PPP1R2: variants seen among roughly 807,000 people sequenced by gnomAD.
PPP1R2 encodes the protein protein phosphatase inhibitor 2.
In PPP1R2, 16 loss-of-function variants were observed where a neutral mutation model predicts 29.9. The observed-to-expected ratio is 0.53, with a 90% CI of 0.36 to 0.81. The LOEUF is 0.81. Ranked by LOEUF, PPP1R2 falls within the 30% of genes least tolerant of loss-of-function variation. PPP1R2 has a pLI of 0.00. For missense variants in PPP1R2, 197 were observed against 252.7 expected (o/e 0.78, Z 1.49); for synonymous variants, 76 against 91.5 (o/e 0.83, Z 0.96).
At chr3:195,540,980 T>C (rs1006937713) in intron 1 of PPP1R2, among the ~76,000 whole-genome samples, 5 of 152,242 alleles carry the variant, frequency 3.3e-5, no homozygotes, top group Non-Finnish European at 7.3e-5. Flanking sequence ...ACCCATCCTT[T>C]TTACCACTTG....
At position 195,516,338 on chromosome 3, in the gene PPP1R2, T is replaced by G. The variant is rs994170267; in HGVS notation, c.*558A>C. The G allele has an allele frequency of 6.6e-6, 1 of 152,524 alleles. No homozygotes were observed. The highest frequency in any genetic ancestry group is 2.4e-5 in the African/African-American group (1 of 41,432). 9.4% of individuals were successfully genotyped at this position (152,524 alleles called of 1,614,324 possible). On this transcript the variant is annotated 3_prime_UTR_variant, in exon 6 of 6. Transcript: ENST00000618156. ...CCTTTCCTTGTAAACACAAAGAAAC[T>G]CAACAGGAATTTTAAAAATAGTAGG... is the stretch of plus-strand genomic sequence containing the variant.
intron 2 of PPP1R2, among the ~76,000 whole-genome samples, chr3:195,528,112 G>A (rs200185527): frequency 2.6e-5 from 4 of 151,934 alleles, no homozygotes; most frequent in Admixed American, 2.6e-4. Context: ...CAGTGTACAC[G>A]GCACCCAATG....
At chr3:195,525,907 T>C (rs1430592814) in intron 2 of PPP1R2, among the ~76,000 whole-genome samples, 1 of 152,150 alleles carries the variant, frequency 6.6e-6, no homozygotes, top group African/African-American at 2.4e-5. Flanking sequence ...TTGAGTTTAA[T>C]CAAGCAAAGT....
chr3:195,534,649 A>G (rs1439123936), intron 1 of PPP1R2, among the ~76,000 whole-genome samples: 1 of 152,168 alleles, frequency 6.6e-6, no homozygotes, highest in Non-Finnish European at 1.5e-5. Flanking sequence ...GGTTCCGTCC[A>G]TGTTCTGTCC....
At position 195,529,890 on chromosome 3, in the gene PPP1R2, T is replaced by C. The variant is rs747235123; in HGVS notation, c.134A>G (p.Gln45Arg). Residue 45 changes from glutamine (Q) to arginine (R), a missense_variant, in exon 2 of 6, where the codon CAG becomes CGG. Physicochemically the swap from Gln to Arg is conservative, Grantham distance 43. Transcript: ENST00000618156. ...CAAGATGTTCATTTCATCCCACTTC[T>C]GGGATTTTTTGCTAAAATTAAAAAG... The part of the protein sequence containing the change: ...NVDEELSKKS[Q>R]KWDEMNILAT... 2 of 1,605,244 alleles carry C rather than the reference T, an allele frequency of 1.2e-6. No homozygotes were observed. Among genetic ancestry groups the C allele is most frequent in the Non-Finnish European group, 1.7e-6 (2 of 1,177,734 alleles).
intron 2 of PPP1R2, among the ~76,000 whole-genome samples, chr3:195,527,310 C>T (rs184132275): frequency 9.6e-4 from 146 of 151,644 alleles, no homozygotes; most frequent in African/African-American, 3.4e-3. Flanking sequence ...ACTAGCCAGG[C>T]GTGGTAGTGG....
chr3:195,530,908 T>C lies in PPP1R2; in HGVS notation c.123-1007A>G, dbSNP rs149112355. Among the ~76,000 whole-genome samples the C allele has an allele frequency of 5.9e-3, 892 of 152,124 alleles. 24 individuals are homozygous for C. Among genetic ancestry groups the C allele is most frequent in the Admixed American group, 0.03 (455 of 15,280 alleles). Reference sequence around the variant, plus strand: ...CACGATCTCGGCTCACTGCAACCTCTGCCTCCTGGGTTCAAGCGATTCTCC... The same window carrying C: ...CACGATCTCGGCTCACTGCAACCTCCGCCTCCTGGGTTCAAGCGATTCTCC... On this transcript the variant is annotated intron_variant, in intron 1 of 5. Transcript: ENST00000618156.
Position 195,515,010 on chromosome 3 carries a change from CAA to C in PPP1R2, c.*1884_*1885del, listed in dbSNP as rs3988245. ...CTTCACTCTATGACAGCTACTTCTA[CAA>C]AAAAAAAAAAAGAGTATGTGGGTAC... is the stretch of plus-strand genomic sequence containing the variant. On this transcript the variant is annotated 3_prime_UTR_variant, in exon 6 of 6. Coordinates refer to ENST00000618156, the MANE Select transcript of PPP1R2 (RefSeq NM_006241.8). 2,536 of 209,586 alleles carry C rather than the reference CAA, an allele frequency of 0.012. No individual in the cohort carries two copies. Among genetic ancestry groups the C allele is most frequent in the South Asian group, 0.034 (400 of 11,886 alleles). 13.0% of individuals were successfully genotyped at this position (209,586 alleles called of 1,614,324 possible).
At chr3:195,535,640 C>G (rs569524449) in intron 1 of PPP1R2, among the ~76,000 whole-genome samples, 38 of 152,252 alleles carry the variant, frequency 2.5e-4, no homozygotes, top group Non-Finnish European at 5.1e-4. Context: ...ATGAGTGCTT[C>G]TGAATCAGTG....
chr3:195,543,249 C>G lies in PPP1R2; in HGVS notation c.-224G>C, dbSNP rs1719676708. The G allele has an allele frequency of 1.0e-5, 5 of 501,098 alleles. No individual in the cohort carries two copies. In the East Asian group the frequency reaches 1.9e-4, roughly 19 times the overall value. 31.0% of individuals were successfully genotyped at this position (501,098 alleles called of 1,614,324 possible). On this transcript the variant is annotated 5_prime_UTR_variant, in exon 1 of 6. Coordinates refer to ENST00000618156, the MANE Select transcript of PPP1R2 (RefSeq NM_006241.8). The stretch of plus-strand genomic sequence containing the variant: ...GTGGCGGCTACTCGCGCACCCTTAG[C>G]CACTGGCACTTGACCCGCGGCTCGC...
intron 1 of PPP1R2, among the ~76,000 whole-genome samples, chr3:195,531,591 C>T (rs770211189): frequency 2.6e-5 from 4 of 152,176 alleles, no homozygotes; most frequent in South Asian, 2.1e-4. Flanking sequence ...GTCCCCATTT[C>T]GGACTAAGCA....
At chr3:195,519,937 A>G (rs766391705) in intron 4 of PPP1R2, among the ~76,000 whole-genome samples, 3 of 151,052 alleles carry the variant, frequency 2.0e-5, no homozygotes, top group Non-Finnish European at 4.4e-5. Flanking sequence ...AAAAAACAAC[A>G]GAAAAGGGGG....
intron 1 of PPP1R2, among the ~76,000 whole-genome samples, chr3:195,534,099 G>T (rs910933949): frequency 1.3e-5 from 2 of 152,106 alleles, no homozygotes; most frequent in African/African-American, 4.8e-5. Flanking sequence ...AGGATCTCTT[G>T]AGCCCAGGAG....
At chr3:195,531,522 G>A (rs981172712) in intron 1 of PPP1R2, among the ~76,000 whole-genome samples, 10 of 152,054 alleles carry the variant, frequency 6.6e-5, no homozygotes, top group African/African-American at 2.4e-4. Context: ...AAATTATACA[G>A]GCCTACTCTT....
chr3:195,542,501 G>A lies in PPP1R2; in HGVS notation c.122+403C>T, dbSNP rs181351913. On this transcript the variant is annotated intron_variant, in intron 1 of 5. Transcript: ENST00000618156. ...CTCTTCTTTGACGGATCGCCTATTA[G>A]CTTGAGACTAGATCTTAAAGGGTTC... Among the ~76,000 whole-genome samples, 3 of 152,230 alleles carry A rather than the reference G, an allele frequency of 2.0e-5. No homozygotes were observed. The East Asian group carries it at 5.8e-4, about 29-fold the overall frequency.
chr3:195,539,870 A>T (rs941377494), intron 1 of PPP1R2, among the ~76,000 whole-genome samples: 1 of 152,186 alleles, frequency 6.6e-6, no homozygotes, highest in Non-Finnish European at 1.5e-5. Flanking sequence ...TTAAGTGGAC[A>T]TTGAGTTTTG....
At chr3:195,529,010 G>A (rs1445791563) in intron 2 of PPP1R2, 1 of 151,246 alleles carries the variant, frequency 6.6e-6, no homozygotes, top group Non-Finnish European at 1.5e-5. Context: ...GGGATTACAG[G>A]TGCCCGCCAC....
At position 195,516,887 on chromosome 3, in the gene PPP1R2, A is replaced by G. The variant is rs760252470; in HGVS notation, c.*9T>C. Reference sequence around the variant, plus strand: ...CTAACAAACAATTGCAGTGTTGAACAAATCTCGTCTATGAACTTCGTAATT... The same window carrying G: ...CTAACAAACAATTGCAGTGTTGAACGAATCTCGTCTATGAACTTCGTAATT... On this transcript the variant is annotated 3_prime_UTR_variant, in exon 6 of 6. Coordinates refer to ENST00000618156, the MANE Select transcript of PPP1R2 (RefSeq NM_006241.8). The G allele has an allele frequency of 1.4e-5, 22 of 1,609,890 alleles. No homozygotes were observed. The highest frequency in any genetic ancestry group is 8.9e-5 in the East Asian group (4 of 44,782).
intron 2 of PPP1R2, 151 bp downstream of exon 2, chr3:195,529,643 C>A: frequency 1.8e-6 from 1 of 540,920 alleles, no homozygotes; most frequent in Non-Finnish European, 3.2e-6. Context: ...TAAACCATTA[C>A]TAAACAAATT....
Sources: gnomAD v4.1 joint callset for allele counts (sites outside exome capture counted in the v4.1 genomes callset) on GRCh38, gnomAD v4.1.1 for gene constraint, MANE v1.5 for transcripts, NCBI Gene and HGNC (gene_info 2026-07-23, HGNC 2026-07-21) for gene names.